Variants in SMR3B observed in about 807,000 individuals in gnomAD.
The protein encoded by SMR3B is submaxillary gland androgen-regulated protein 3B.
For synonymous variants in SMR3B, 42 were observed against 36.1 expected (o/e 1.16, Z -0.59); for missense variants, 114 against 99.9 (o/e 1.14, Z -0.60).
At chr4:70,384,697 A>G in intron 2 of SMR3B, 133 bp downstream of exon 2, 1 of 1,498,294 alleles carries the variant, frequency 6.7e-7, no homozygotes. Flanking sequence ...AACACTGTTT[A>G]GGGCTTAAAT....
At position 70,384,556 on chromosome 4, in the gene SMR3B, T is replaced by C. The variant is rs578125408; in HGVS notation, c.46T>C (p.Cys16Arg). The change falls in exon 2 of 3, where the codon TGT becomes CGT. Residue 16 changes from cysteine (C) to arginine (R), a missense_variant. Cys to Arg is a radical substitution (Grantham distance 180). Transcript: ENST00000304915. ...CTTGGGCCTTTGGGCTCTTGCAGCG[T>C]GTTTCACAGTAAGTATCATTAATCA... ...WILGLWALAA[C>R]FTPGESQRGP... 3 of 1,608,328 alleles carry C rather than the reference T, an allele frequency of 1.9e-6. No homozygotes were observed. The highest frequency in any genetic ancestry group is 2.7e-5 in the African/African-American group (2 of 74,698).
rs1227960096 is a variant in SMR3B, at chr4:70,383,945, T to C, written c.-14-552T>C. On this transcript the variant is annotated intron_variant, in intron 1 of 2. Coordinates refer to ENST00000304915, the MANE Select transcript of SMR3B (RefSeq NM_006685.4). ...CTCATCACAGCCTAAATTAATGTAA[T>C]AGAATGTTGTTAAAACTAGGAAATA... Among the ~76,000 whole-genome samples the C allele has an allele frequency of 3.3e-5, 5 of 152,262 alleles. No individual in the cohort carries two copies. In the East Asian group the frequency reaches 5.8e-4, roughly 18 times the overall value.
chr4:70,389,844 C>G lies in SMR3B; in HGVS notation c.236C>G (p.Pro79Arg). The G allele has an allele frequency of 6.2e-7, 1 of 1,613,670 alleles. No homozygotes were observed. The highest frequency in any genetic ancestry group is 8.5e-7 in the Non-Finnish European group (1 of 1,179,782). The change falls in exon 3 of 3, where the codon CCC becomes CGC. Residue 79 changes from proline (P) to arginine (R), a missense_variant. Coordinates refer to ENST00000304915, the MANE Select transcript of SMR3B (RefSeq NM_006685.4). ...ATATTTCCACCACCCCCTCCTCAAC[C>G]CTAAGGTCCACCACTCCATCCTGAT... Reference protein sequence around the residue: ...PGIFPPPPPQP With the variant: ...PGIFPPPPPQR
intron 2 of SMR3B, among the ~76,000 whole-genome samples, chr4:70,386,659 G>A (rs542888216): frequency 1.1e-4 from 17 of 152,194 alleles, no homozygotes; most frequent in East Asian, 7.7e-4. Flanking sequence ...AGCCAGTTGC[G>A]GAAAGGGAGC....
In SMR3B at chr4:70,389,660, C is replaced by T. The variant is rs1207193139; in HGVS notation, c.55-3C>T. The stretch of plus-strand genomic sequence containing the variant: ...TGAAATTATTTACTTCTTATTTCCA[C>T]AGCCTGGTGAGAGTCAAAGAGGCCC... On this transcript the variant is annotated splice_polypyrimidine_tract_variant and splice_region_variant and intron_variant, in intron 2 of 2. Coordinates refer to ENST00000304915, the MANE Select transcript of SMR3B (RefSeq NM_006685.4). The T allele has an allele frequency of 6.2e-6, 10 of 1,610,966 alleles. No homozygotes were observed. Among genetic ancestry groups the T allele is most frequent in the African/African-American group, 1.3e-5 (1 of 74,722 alleles).
At chr4:70,388,040 C>T (rs1732694432) in intron 2 of SMR3B, among the ~76,000 whole-genome samples, 2 of 152,144 alleles carry the variant, frequency 1.3e-5, no homozygotes, top group Non-Finnish European at 2.9e-5. Flanking sequence ...CCTGTGTAAA[C>T]CATCTGCTCC....
rs368404589 is a variant in SMR3B, at chr4:70,387,720, G to T, written c.55-1943G>T. Among the ~76,000 whole-genome samples the T allele has an allele frequency of 1.6e-3, 249 of 152,274 alleles. 3 individuals carry two copies. The highest frequency in any genetic ancestry group is 0.01 in the Middle Eastern group (3 of 294). On this transcript the variant is annotated intron_variant, in intron 2 of 2. Transcript: ENST00000304915. ...AAAAGCCAGTTTGGTGGGGGTAAATGATAGCTCAGGATGAGGTGGAGAATG... is the reference window on the plus strand; with the variant it reads ...AAAAGCCAGTTTGGTGGGGGTAAATTATAGCTCAGGATGAGGTGGAGAATG...
intron 1 of SMR3B, 62 bp from the exon 2 acceptor site, chr4:70,384,435 T>C (rs1732618508): frequency 6.3e-7 from 1 of 1,593,228 alleles, no homozygotes; most frequent in South Asian, 1.1e-5. Context: ...TGTTGAGACA[T>C]TTTAAATAGT....
intron 2 of SMR3B, among the ~76,000 whole-genome samples, chr4:70,386,956 G>T (rs1455378607): frequency 6.6e-6 from 1 of 152,138 alleles, no homozygotes; most frequent in Non-Finnish European, 1.5e-5. Context: ...AGACAAACAT[G>T]AGGCCAGTTC....
chr4:70,389,229 T>C (rs191804532), intron 2 of SMR3B, among the ~76,000 whole-genome samples: 1 of 152,328 alleles, frequency 6.6e-6, no homozygotes, highest in African/African-American at 2.4e-5. Context: ...TGAAAAGGTG[T>C]GCCCACTGCT....
chr4:70,385,540 A>T (rs1732646836), intron 2 of SMR3B, among the ~76,000 whole-genome samples: 2 of 151,554 alleles, frequency 1.3e-5, no homozygotes, highest in South Asian at 4.2e-4. Context: ...TGTAGCTGGG[A>T]CTACAGGCGC....
chr4:70,385,281 C>A (rs1381340883), intron 2 of SMR3B, among the ~76,000 whole-genome samples: 1 of 151,336 alleles, frequency 6.6e-6, no homozygotes, highest in Non-Finnish European at 1.5e-5. Context: ...AAATCTATAT[C>A]AAATTGAAAA....
intron 2 of SMR3B, among the ~76,000 whole-genome samples, chr4:70,387,031 T>C (rs1238337334): frequency 6.6e-6 from 1 of 152,156 alleles, no homozygotes; most frequent in African/African-American, 2.4e-5. Flanking sequence ...TTTACTGGCA[T>C]GTTAAAGGCA....
chr4:70,386,448 A>ACG (rs2109761144), intron 2 of SMR3B, among the ~76,000 whole-genome samples: 1 of 151,942 alleles, frequency 6.6e-6, no homozygotes, highest in South Asian at 2.1e-4. Flanking sequence ...ATGTACACAC[A>ACG]CACACACACA....
At chr4:70,386,416 T>C (rs1009055173) in intron 2 of SMR3B, among the ~76,000 whole-genome samples, 1 of 151,416 alleles carries the variant, frequency 6.6e-6, no homozygotes, top group Non-Finnish European at 1.5e-5. Flanking sequence ...AAGGGTAGCA[T>C]GTCCTTTACG....
In SMR3B at chr4:70,389,844, C is replaced by T; in HGVS notation, c.236C>T (p.Pro79Leu). ...PGIFPPPPPQ[P>L] ...ATATTTCCACCACCCCCTCCTCAAC[C>T]CTAAGGTCCACCACTCCATCCTGAT... Residue 79 changes from proline (P) to leucine (L), a missense_variant, in exon 3 of 3, where the codon CCC (proline) becomes CTC (leucine). Physicochemically the swap from Pro to Leu is moderately conservative, Grantham distance 98. Coordinates refer to ENST00000304915, the MANE Select transcript of SMR3B (RefSeq NM_006685.4). 6.2e-7 allele frequency: 1 copy of T among 1,613,670 alleles called. No homozygotes were observed. Among genetic ancestry groups the T allele is most frequent in the Non-Finnish European group, 8.5e-7 (1 of 1,179,782 alleles).
intron 2 of SMR3B, among the ~76,000 whole-genome samples, chr4:70,386,594 G>A (rs6600825): frequency 0.7 from 106,580 of 152,080 alleles, 37,669 homozygotes; most frequent in African/African-American, 0.77. Context: ...CTTCGAGAGC[G>A]TAGTGTTTCT....
At position 70,389,856 on chromosome 4, in the gene SMR3B, C is replaced by T. The variant is rs756195444; in HGVS notation, c.*8C>T. 12 of 1,612,914 alleles carry T rather than the reference C, an allele frequency of 7.4e-6. No individual in the cohort carries two copies. The highest frequency in any genetic ancestry group is 8.5e-6 in the Non-Finnish European group (10 of 1,179,354). On this transcript the variant is annotated 3_prime_UTR_variant, in exon 3 of 3. Transcript: ENST00000304915. ...CCCCCTCCTCAACCCTAAGGTCCACCACTCCATCCTGATGCCCCAGGTTAT... is the reference window on the plus strand; with the variant it reads ...CCCCCTCCTCAACCCTAAGGTCCACTACTCCATCCTGATGCCCCAGGTTAT...
Position 70,385,303 on chromosome 4 carries a change from G to GT in SMR3B, c.54+747dup, listed in dbSNP as rs573415715. Among the ~76,000 whole-genome samples, 380 of 146,772 alleles carry GT rather than the reference G, an allele frequency of 2.6e-3. 1 individual carries two copies. Among genetic ancestry groups the GT allele is most frequent in the African/African-American group, 9.0e-3 (353 of 39,182 alleles). On this transcript the variant is annotated intron_variant, in intron 2 of 2. Coordinates refer to ENST00000304915, the MANE Select transcript of SMR3B (RefSeq NM_006685.4). Reference sequence around the variant, plus strand: ...TATCAAATTGAAAAATATGAAAGCTGTTTTTTTTAGATTATGACTTCCACA... The same window carrying GT: ...TATCAAATTGAAAAATATGAAAGCTGTTTTTTTTTAGATTATGACTTCCACA...
Sources: gnomAD v4.1 joint callset for allele counts (sites outside exome capture counted in the v4.1 genomes callset) on GRCh38, gnomAD v4.1.1 for gene constraint, MANE v1.5 for transcripts, NCBI Gene and HGNC (gene_info 2026-07-23, HGNC 2026-07-21) for gene names.